Variants in DMD observed in about 807,000 individuals in gnomAD.
DMD encodes the protein mutant dystrophin.
Under a neutral mutation model 330.1 loss-of-function variants are expected in DMD, and 63 were observed. The observed-to-expected ratio is 0.19, with a 90% CI of 0.16 to 0.24. DMD has a LOEUF of 0.24. DMD is among the 10% of genes least tolerant of loss of function. The pLI, the probability that DMD is intolerant of heterozygous loss-of-function variation, is 1.00. For synonymous variants in DMD, 1,223 were observed against 959.8 expected, an observed-to-expected ratio of 1.27 and a Z score of -5.07; for missense variants, 3,344 against 2,684.1, an observed-to-expected ratio of 1.25 and a Z score of -5.43.
intron 1 of DMD, among the ~76,000 whole-genome samples, chrX:33,033,441 T>C (rs1417679144): frequency 9.3e-6 from 1 of 107,594 alleles, no homozygotes; most frequent in Non-Finnish European, 1.9e-5. Flanking sequence ...CCAGGCGCGG[T>C]GGCTCACGCC....
intron 5 of DMD, among the ~76,000 whole-genome samples, chrX:32,822,017 A>G (rs2078301032): frequency 8.9e-6 from 1 of 111,886 alleles, no homozygotes; most frequent in African/African-American, 3.3e-5. Flanking sequence ...TTTTACACTT[A>G]GAATGAGTAC....
rs1433000842 is a variant in DMD at position 32,287,526 on chromosome X, T to C, written c.6290+3A>G. 10 of 1,206,975 alleles carry C rather than the reference T, an allele frequency of 8.3e-6. No individual in the cohort carries two copies. The highest frequency in any genetic ancestry group is 7.0e-5 in the African/African-American group (4 of 57,028). On this transcript the variant is annotated splice_donor_region_variant and intron_variant, in intron 43 of 78. Coordinates refer to ENST00000357033, the MANE Select transcript of DMD (RefSeq NM_004006.3). ...TATCAAGAAAAATATATGTGTTACCTACCCTTGTCGGTCCTTGTACATTTT... is the reference window on the plus strand; with the variant it reads ...TATCAAGAAAAATATATGTGTTACCCACCCTTGTCGGTCCTTGTACATTTT...
chrX:31,542,160 G>A (rs188059111), intron 55 of DMD, among the ~76,000 whole-genome samples: 62 of 111,708 alleles, frequency 5.6e-4, no homozygotes, highest in African/African-American at 1.7e-3. Context: ...ATAGCAGAGA[G>A]ATATAGAGGA....
At chrX:31,908,860 A>C (rs923118449) in intron 47 of DMD, among the ~76,000 whole-genome samples, 1 of 111,469 alleles carries the variant, frequency 9.0e-6, no homozygotes, top group African/African-American at 3.3e-5. Flanking sequence ...CTCTCTCCCA[A>C]GAATGAGCAG....
intron 30 of DMD, among the ~76,000 whole-genome samples, chrX:32,410,033 G>A (rs1569561612): frequency 1.8e-5 from 2 of 111,389 alleles, no homozygotes; most frequent in Non-Finnish European, 1.9e-5. Flanking sequence ...CTCAAACTGG[G>A]ACGGACTTAG....
chrX:33,122,125 C>A (rs1175598322), intron 1 of DMD, among the ~76,000 whole-genome samples: 1 of 111,831 alleles, frequency 8.9e-6, no homozygotes, highest in Admixed American at 9.5e-5. Context: ...ACTGAGGAGG[C>A]TCAGGCAGGA....
At chrX:32,558,463 A>G (rs2050576472) in intron 16 of DMD, among the ~76,000 whole-genome samples, 1 of 111,733 alleles carries the variant, frequency 8.9e-6, no homozygotes, top group South Asian at 3.7e-4. Flanking sequence ...TATCATACAG[A>G]TGCTGAGCAT....
intron 42 of DMD, among the ~76,000 whole-genome samples, chrX:32,291,836 C>A (rs979155857): frequency 9.0e-6 from 1 of 111,361 alleles, no homozygotes; most frequent in African/African-American, 3.3e-5. Flanking sequence ...GATTGCTGAG[C>A]CATACATATT....
At chrX:31,546,462 A>T (rs1032506207) in intron 55 of DMD, among the ~76,000 whole-genome samples, 1 of 112,085 alleles carries the variant, frequency 8.9e-6, no homozygotes, top group African/African-American at 3.2e-5. Flanking sequence ...CCTAGCTGGT[A>T]CCTAAGAATT....
At chrX:31,812,443 G>T (rs1422342523) in intron 50 of DMD, among the ~76,000 whole-genome samples, 1 of 103,131 alleles carries the variant, frequency 9.7e-6, no homozygotes, top group East Asian at 3.2e-4. Context: ...GGGAGGGATA[G>T]CATTAGGAGA....
At chrX:31,664,310 C>A (rs2081293424) in intron 53 of DMD, among the ~76,000 whole-genome samples, 1 of 111,402 alleles carries the variant, frequency 9.0e-6, no homozygotes, top group African/African-American at 3.3e-5. Context: ...GCTGAAAATT[C>A]ATGAAAGGCA....
At chrX:33,236,804 C>G (rs1037598530) in intron 1 of DMD, among the ~76,000 whole-genome samples, 2 of 111,414 alleles carry the variant, frequency 1.8e-5, no homozygotes, top group African/African-American at 6.5e-5. Flanking sequence ...CTAGCAAAAA[C>G]TCCCAAATGG....
chrX:33,193,024 C>T (rs2050741251), intron 1 of DMD, among the ~76,000 whole-genome samples: 1 of 111,804 alleles, frequency 8.9e-6, no homozygotes, highest in African/African-American at 3.2e-5. Context: ...TTTCTTCTCT[C>T]GGCTGGGTGT....
intron 19 of DMD, among the ~76,000 whole-genome samples, chrX:32,500,485 G>C (rs775968565): frequency 2.2e-4 from 25 of 111,825 alleles, no homozygotes; most frequent in African/African-American, 8.1e-4. Flanking sequence ...AGGTAAGCTT[G>C]ATATATAACT....
chrX:32,374,287 G>T (rs1275990721), intron 34 of DMD, among the ~76,000 whole-genome samples: 4 of 111,162 alleles, frequency 3.6e-5, no homozygotes, highest in Non-Finnish European at 7.5e-5. Context: ...TTCTTTTTCT[G>T]TACAGAAGCT....
At chrX:31,686,260 T>C (rs1478683498) in intron 52 of DMD, among the ~76,000 whole-genome samples, 4 of 112,708 alleles carry the variant, frequency 3.5e-5, no homozygotes, top group Non-Finnish European at 7.5e-5. Flanking sequence ...GTTGTACATG[T>C]AGATTATTTC....
At chrX:32,253,960 C>T (rs756814319) in intron 43 of DMD, among the ~76,000 whole-genome samples, 57 of 111,061 alleles carry the variant, frequency 5.1e-4, no homozygotes, top group Admixed American at 1.1e-3. Flanking sequence ...TTCTGGGCAT[C>T]ACTATCGTTC....
intron 59 of DMD, among the ~76,000 whole-genome samples, chrX:31,451,977 T>G (rs2065788122): frequency 9.0e-6 from 1 of 110,758 alleles, no homozygotes; most frequent in East Asian, 2.9e-4. Flanking sequence ...CTTTCATATT[T>G]GGGCATGATC....
chrX:33,265,155 AT>A lies in DMD; in HGVS notation c.7+74103del, dbSNP rs914388799. Among the ~76,000 whole-genome samples, 5 of 109,174 alleles carry A rather than the reference AT, an allele frequency of 4.6e-5. No individual in the cohort carries two copies. The East Asian group carries it at 8.7e-4, about 19-fold the overall frequency. 94.8% of individuals were successfully genotyped at this position (109,174 alleles called of 115,157 possible). On this transcript the variant is annotated intron_variant, in intron 1 of 17. Transcript: ENST00000288447. The stretch of plus-strand genomic sequence containing the variant: ...GGGGGACTTTAGGCTGAGTCCAGGA[AT>A]TTTTTTTTCCCTAAAGAACTGTAGA...
Sources: allele counts gnomAD v4.1 joint callset (sites outside exome capture counted in the v4.1 genomes callset), GRCh38; gene constraint gnomAD v4.1.1; transcripts MANE v1.5; gene names NCBI Gene and HGNC (gene_info 2026-07-23, HGNC 2026-07-21).